SOBP: variants seen among roughly 807,000 people sequenced by gnomAD.
SOBP encodes sine oculis-binding protein homolog.
A neutral mutation model predicts 53.6 loss-of-function variants in SOBP; 4 were observed. The observed-to-expected ratio is 0.07, with a 90% CI of 0.04 to 0.17. The LOEUF (loss-of-function observed/expected upper bound fraction) is 0.17, where lower values mean the gene tolerates loss of function less well. SOBP is among the 10% of genes least tolerant of loss of function. The pLI is 1.00. For missense variants in SOBP, 1,088 were observed against 1,204.7 expected (o/e 0.90, Z 1.43); for synonymous variants, 584 against 522.6 (o/e 1.12, Z -1.60).
chr6:107,617,930 C>A (rs1786856717), intron 5 of SOBP, among the ~76,000 whole-genome samples: 1 of 149,426 alleles, frequency 6.7e-6, no homozygotes, highest in Non-Finnish European at 1.5e-5. Flanking sequence ...TGGGTTCAAG[C>A]AGTTCTCTTG....
intron 6 of SOBP, among the ~76,000 whole-genome samples, chr6:107,655,950 A>G (rs1240928259): frequency 6.6e-6 from 1 of 152,260 alleles, no homozygotes; most frequent in Non-Finnish European, 1.5e-5. Context: ...AAGCAATTCA[A>G]AATGGCGGTG....
chr6:107,545,611 TG>T (rs1784278783), intron 4 of SOBP, among the ~76,000 whole-genome samples: 1 of 152,216 alleles, frequency 6.6e-6, no homozygotes, highest in African/African-American at 2.4e-5. Flanking sequence ...GGGTCTTACC[TG>T]GGTGATGTGG....
intron 6 of SOBP, among the ~76,000 whole-genome samples, chr6:107,641,624 C>T (rs571718157): frequency 3.3e-5 from 5 of 152,236 alleles, no homozygotes; most frequent in South Asian, 4.2e-4. Context: ...GAAAGAGACG[C>T]GTTCGGCCAG....
chr6:107,524,984 C>T (rs1401652478), intron 3 of SOBP, among the ~76,000 whole-genome samples: 3 of 152,228 alleles, frequency 2.0e-5, no homozygotes, highest in African/African-American at 7.2e-5. Flanking sequence ...AAATGTCCTG[C>T]TGTAAAAAGC....
intron 5 of SOBP, among the ~76,000 whole-genome samples, chr6:107,623,855 G>C (rs1770338965): frequency 6.6e-6 from 1 of 152,172 alleles, no homozygotes; most frequent in African/African-American, 2.4e-5. Flanking sequence ...AAAGAGGATG[G>C]GTTTGAAGTT....
intron 5 of SOBP, among the ~76,000 whole-genome samples, chr6:107,631,778 C>T (rs1770724927): frequency 6.6e-6 from 1 of 152,190 alleles, no homozygotes; most frequent in Non-Finnish European, 1.5e-5. Flanking sequence ...TTCTCACTCT[C>T]CAAAATTTTT....
chr6:107,652,208 T>A lies in SOBP; in HGVS notation c.*4-5999T>A, dbSNP rs1488422927. ...ATTTGGGCAAAGTACATTGAAAATC[T>A]TCTGGAAAGGATTCACTATTCTAGA... On this transcript the variant is annotated intron_variant, in intron 6 of 6. Coordinates refer to ENST00000317357, the MANE Select transcript of SOBP (RefSeq NM_018013.4). Among the ~76,000 whole-genome samples the A allele has an allele frequency of 2.0e-5, 3 of 152,214 alleles. No individual in the cohort carries two copies. In the East Asian group the frequency reaches 5.8e-4, roughly 29 times the overall value.
At chr6:107,496,948 G>C (rs1782716855) in intron 1 of SOBP, among the ~76,000 whole-genome samples, 1 of 152,214 alleles carries the variant, frequency 6.6e-6, no homozygotes, top group Non-Finnish European at 1.5e-5. Context: ...TGTTAAGAAA[G>C]ACAGCTCAGA....
chr6:107,635,024 C>A lies in SOBP; in HGVS notation c.2180C>A (p.Thr727Lys). The change falls in exon 6 of 7, where the codon ACG becomes AAG. Residue 727 changes from threonine (T) to lysine (K), a missense_variant. Transcript: ENST00000317357. This position sits in a 1 kb window ranked among gnomAD's most constrained non-coding sequence, Gnocchi z 4.5. The part of the protein sequence containing the change: ...AAACNVIVNG[T>K]RGAAAEGAKS... ...GCCTGCAACGTCATCGTGAACGGCA[C>A]GCGCGGCGCCGCCGCCGAGGGCGCT... is the stretch of plus-strand genomic sequence containing the variant. 1 of 1,221,038 alleles carries A rather than the reference C, an allele frequency of 8.2e-7. No homozygotes were observed. Among genetic ancestry groups the A allele is most frequent in the Non-Finnish European group, 1.0e-6 (1 of 980,234 alleles). The allele number at this position is 1,221,038 out of a possible 1,614,324, so 75.6% of individuals were successfully genotyped here. A position where few individuals can be genotyped will look rare whatever the true frequency, so the allele number is the denominator to read the frequency against.
intron 6 of SOBP, among the ~76,000 whole-genome samples, chr6:107,644,184 G>A (rs1220318328): frequency 6.6e-6 from 1 of 152,180 alleles, no homozygotes; most frequent in Non-Finnish European, 1.5e-5. Context: ...CATGGCTGTA[G>A]TCCCAGCTAC....
chr6:107,561,590 G>A (rs1178256092), intron 4 of SOBP, among the ~76,000 whole-genome samples: 1 of 152,196 alleles, frequency 6.6e-6, no homozygotes, highest in East Asian at 1.9e-4. Context: ...TTGTAGTTCT[G>A]TGCTTGTGCG....
intron 4 of SOBP, among the ~76,000 whole-genome samples, chr6:107,541,954 A>G (rs1784159890): frequency 6.6e-6 from 1 of 152,024 alleles, no homozygotes; most frequent in Admixed American, 6.6e-5. Flanking sequence ...TCATCCATTC[A>G]TTCTTTAAAA....
chr6:107,645,443 A>G (rs1771513390), intron 6 of SOBP, among the ~76,000 whole-genome samples: 1 of 151,050 alleles, frequency 6.6e-6, no homozygotes, highest in South Asian at 2.1e-4. Flanking sequence ...AGAGAGAGAG[A>G]GGGAAAGAGA....
At chr6:107,555,561 G>A (rs1784585475) in intron 4 of SOBP, among the ~76,000 whole-genome samples, 1 of 152,222 alleles carries the variant, frequency 6.6e-6, no homozygotes, top group African/African-American at 2.4e-5. Context: ...AACAATCAGA[G>A]GCCCAGCAGG....
intron 3 of SOBP, among the ~76,000 whole-genome samples, chr6:107,526,153 A>G (rs1050319105): frequency 6.6e-6 from 1 of 151,828 alleles, no homozygotes; most frequent in Non-Finnish European, 1.5e-5. Flanking sequence ...GTGTTTTACC[A>G]TGTTGGCCAG....
At chr6:107,590,564 T>A (rs958479967) in intron 5 of SOBP, among the ~76,000 whole-genome samples, 2 of 152,146 alleles carry the variant, frequency 1.3e-5, no homozygotes, top group African/African-American at 4.8e-5. Flanking sequence ...AACGTCTGAA[T>A]CCCTTTGGCT....
At position 107,633,944 on chromosome 6, in the gene SOBP, A is replaced by T; in HGVS notation, c.1100A>T (p.Gln367Leu). 3.7e-6 allele frequency: 6 copies of T among 1,614,214 alleles called. No individual in the cohort carries two copies. Among genetic ancestry groups the T allele is most frequent in the Non-Finnish European group, 5.1e-6 (6 of 1,180,034 alleles). The change falls in exon 6 of 7, where the codon CAG becomes CTG. Residue 367 changes from glutamine to leucine, a missense_variant. Gln to Leu is a moderately radical substitution (Grantham distance 113, BLOSUM62 -2). Around this residue, in one of 6 missense-constraint regions of SOBP, gnomAD observed 211 missense variants for 258.9 expected, o/e 0.82. Coordinates refer to ENST00000317357, the MANE Select transcript of SOBP (RefSeq NM_018013.4). ...ETPNIPPVSVQPPASIGPPLG... is the reference protein window; with the variant it reads ...ETPNIPPVSVLPPASIGPPLG... ...CCAAATATCCCTCCTGTCTCCGTCC[A>T]GCCACCTGCTAGCATCGGGCCTCCC...
intron 5 of SOBP, among the ~76,000 whole-genome samples, chr6:107,605,743 A>G (rs1283583842): frequency 6.6e-6 from 1 of 152,168 alleles, no homozygotes; most frequent in Non-Finnish European, 1.5e-5. Flanking sequence ...TTCATGTCCA[A>G]GTTGTCTGTA....
intron 3 of SOBP, among the ~76,000 whole-genome samples, chr6:107,529,064 GGTT>G (rs1783747023): frequency 6.6e-6 from 1 of 152,122 alleles, no homozygotes; most frequent in Non-Finnish European, 1.5e-5. Flanking sequence ...TGTTCTTTGT[GGTT>G]TAGTGGTCCC....
Sources: gnomAD v4.1 joint callset for allele counts (sites outside exome capture counted in the v4.1 genomes callset) on GRCh38, gnomAD v4.1.1 for gene constraint, gnomAD v4.1.1 regional missense constraint, Gnocchi (gnomAD v3.1) non-coding constraint, MANE v1.5 for transcripts, NCBI Gene and HGNC (gene_info 2026-07-23, HGNC 2026-07-21) for gene names.